The following FASTKD5 variants were observed in gnomAD, a reference collection of about 807,000 sequenced individuals.
FASTKD5 encodes the protein non-canonical pre-mRNAs endonuclease FASTKD5, mitochondrial.
A neutral mutation model predicts 44.0 loss-of-function variants in FASTKD5; 30 were observed. That is an observed-to-expected ratio of 0.68 (90% CI 0.51 to 0.93). The LOEUF is 0.93. Ranked by LOEUF, FASTKD5 falls within the 40% of genes least tolerant of loss-of-function variation. The pLI is 0.00. For synonymous variants in FASTKD5, 335 were observed against 342.2 expected, an observed-to-expected ratio of 0.98 and a Z score of 0.23; for missense variants, 868 against 908.2, an observed-to-expected ratio of 0.96 and a Z score of 0.57.
Position 3,149,213 on chromosome 20 carries a change from A to G in FASTKD5, c.-143T>C. On this transcript the variant is annotated 5_prime_UTR_variant, in exon 2 of 2. Transcript: ENST00000380266. This position sits in a 1 kb window ranked among gnomAD's most constrained non-coding sequence, Gnocchi z 4.1. ...ACTGCCTGGAAATCTTCAGCATATC[A>G]CAAGAGCCAGGGATCACAAATGACT... 1.2e-6 allele frequency: 1 copy of G among 822,418 alleles called. No individual in the cohort carries two copies. The highest frequency in any genetic ancestry group is 1.9e-6 in the Non-Finnish European group (1 of 530,776). The allele number at this position is 822,418 out of a possible 1,614,324, so 50.9% of individuals were successfully genotyped here.
rs751273447 is a variant in FASTKD5 at position 3,147,645 on chromosome 20, G to T, written c.1426C>A (p.Leu476Met). The change falls in exon 2 of 2, where the codon CTG (leucine) becomes ATG (methionine). Residue 476 changes from leucine to methionine, a missense_variant. Physicochemically the swap from Leu to Met is conservative, Grantham distance 15. Coordinates refer to ENST00000380266, the MANE Select transcript of FASTKD5 (RefSeq NM_021826.5). ...NQYPEHLPTC[L>M]LGLAFLEYFP... is the part of the protein sequence containing the mutation. ...TACTCCAAAAATGCCAGGCCCAGCA[G>T]GCAGGTGGGCAGGTGTTCTGGGTAC... The T allele has an allele frequency of 3.1e-6, 5 of 1,614,096 alleles. No individual in the cohort carries two copies. The African/African-American group carries it at 6.7e-5, about 22-fold the overall frequency.
intron 1 of FASTKD5, among the ~76,000 whole-genome samples, chr20:3,154,177 A>G (rs2066661215): frequency 6.6e-6 from 1 of 152,214 alleles, no homozygotes; most frequent in Non-Finnish European, 1.5e-5. Context: ...GAAAAAGGTG[A>G]AGGAAGATCC....
intron 1 of FASTKD5, among the ~76,000 whole-genome samples, chr20:3,157,042 C>T (rs1253455301): frequency 1.3e-5 from 2 of 152,068 alleles, no homozygotes; most frequent in Non-Finnish European, 2.9e-5. Context: ...AGGCAGATCA[C>T]GTGAGGCCAG....
chr20:3,150,599 G>A (rs771608473), intron 1 of FASTKD5: 2 of 152,190 alleles, frequency 1.3e-5, no homozygotes, highest in Non-Finnish European at 2.9e-5. Context: ...TACCAGACAG[G>A]GCTGTTGCTG....
At position 3,146,789 on chromosome 20, in the gene FASTKD5, G is replaced by A; in HGVS notation, c.2282C>T (p.Thr761Ile). The A allele has an allele frequency of 6.2e-7, 1 of 1,613,792 alleles. No homozygotes were observed. Among genetic ancestry groups the A allele is most frequent in the Non-Finnish European group, 8.5e-7 (1 of 1,179,798 alleles). ...KLAFLHEKVFTSAL is the reference protein window; with the variant it reads ...KLAFLHEKVFISAL ...CCTAAATGCCCTTCAGAGAGCAGAG[G>A]TGAATACTTTCTCATGAAGAAACGC... The change falls in exon 2 of 2, where the codon ACC becomes ATC. Residue 761 changes from threonine to isoleucine, a missense_variant. Transcript: ENST00000380266.
In FASTKD5 at chr20:3,147,744, T is replaced by C; in HGVS notation, c.1327A>G (p.Lys443Glu). The stretch of plus-strand genomic sequence containing the variant: ...TAAAATTCTTCTGCATTGGGTGGCT[T>C]ATAATTCAGAGTTCCAAATGACCAC... ...ILWSFGTLNY[K>E]PPNAEEFYSS... Residue 443 changes from lysine (K) to glutamate (E), a missense_variant, in exon 2 of 2, where the codon AAG becomes GAG. Transcript: ENST00000380266. 1 of 1,614,230 alleles carries C rather than the reference T, an allele frequency of 6.2e-7. No homozygotes were observed. The highest frequency in any genetic ancestry group is 8.5e-7 in the Non-Finnish European group (1 of 1,180,038).
intron 1 of FASTKD5, 86 bp downstream of exon 1, chr20:3,159,671 CGGCCGGGAG>C (rs1290817917): frequency 3.3e-5 from 5 of 152,318 alleles, no homozygotes; most frequent in Non-Finnish European, 7.3e-5. Context: ...AGCTCTGGGC[CGGCCGGGAG>C]GACAGGAGGC....
chr20:3,152,100 CAAAAAAA>C (rs60655157), intron 1 of FASTKD5, among the ~76,000 whole-genome samples: 2 of 62,884 alleles, frequency 3.2e-5, no homozygotes, highest in Admixed American at 1.9e-4. Context: ...GACTCTGTCT[CAAAAAAA>C]AAAAAAAAAA....
intron 1 of FASTKD5, among the ~76,000 whole-genome samples, chr20:3,155,052 CAAAAAAAAAA>C (rs11326176): frequency 1.0e-5 from 1 of 96,100 alleles, no homozygotes; most frequent in Non-Finnish European, 2.0e-5. Context: ...GACACAGTCT[CAAAAAAAAAA>C]AAAAAAAAAA....
intron 1 of FASTKD5, among the ~76,000 whole-genome samples, chr20:3,155,052 C>CAAA (rs11326176): frequency 1.2e-4 from 12 of 96,088 alleles, no homozygotes; most frequent in South Asian, 3.6e-4. Flanking sequence ...GACACAGTCT[C>CAAA]AAAAAAAAAA....
chr20:3,158,558 C>T (rs1325252047), intron 1 of FASTKD5, among the ~76,000 whole-genome samples: 1 of 152,180 alleles, frequency 6.6e-6, no homozygotes, highest in Non-Finnish European at 1.5e-5. Flanking sequence ...ACTGCACACT[C>T]CGCCTCCCGG....
At position 3,147,820 on chromosome 20, in the gene FASTKD5, A is replaced by C. The variant is rs1470092700; in HGVS notation, c.1251T>G (p.Ser417=). 4 of 1,614,236 alleles carry C rather than the reference A, an allele frequency of 2.5e-6. No homozygotes were observed. The highest frequency in any genetic ancestry group is 3.4e-6 in the Non-Finnish European group (4 of 1,180,042). The change falls in exon 2 of 2, where the codon TCT becomes TCG. Residue 417 remains serine, a synonymous_variant. Coordinates refer to ENST00000380266, the MANE Select transcript of FASTKD5 (RefSeq NM_021826.5). The stretch of plus-strand genomic sequence containing the variant: ...GACAGTGTGCCACTCTAGGAGGCAA[A>C]GACGCAGCCACTGCATTCATTACTC... ...NEGVMNAVAA[S]LPPRVAHCRS...
Position 3,148,007 on chromosome 20 carries a change from G to C in FASTKD5, c.1064C>G (p.Ser355Cys). 6.2e-7 allele frequency: 1 copy of C among 1,614,112 alleles called. No homozygotes were observed. The highest frequency in any genetic ancestry group is 8.5e-7 in the Non-Finnish European group (1 of 1,180,022). Residue 355 changes from serine (S) to cysteine (C), a missense_variant, in exon 2 of 2, where the codon TCC (serine) becomes TGC (cysteine). Coordinates refer to ENST00000380266, the MANE Select transcript of FASTKD5 (RefSeq NM_021826.5). The stretch of plus-strand genomic sequence containing the variant: ...GAACATTTTAACAATATTCACTAAG[G>C]AGCGACTACTCAGATGCTGAATGTT... ...CANIQHLSSR[S>C]LVNIVKMFRF...
rs377640278 is a variant in FASTKD5, at chr20:3,147,198, G to A, written c.1873C>T (p.Leu625Phe). The A allele has an allele frequency of 6.2e-7, 1 of 1,614,114 alleles. No homozygotes were observed. Among genetic ancestry groups the A allele is most frequent in the Non-Finnish European group, 8.5e-7 (1 of 1,180,058 alleles). The change falls in exon 2 of 2, where the codon CTT (leucine) becomes TTT (phenylalanine). Residue 625 changes from leucine (L) to phenylalanine (F), a missense_variant. Physicochemically the swap from Leu to Phe is conservative, Grantham distance 22 (BLOSUM62 0). Transcript: ENST00000380266. ...KLRLEHVGVS[L>F]TDDLMNKLLK... ...AACTTATTCATCAAATCATCTGTAA[G>A]GCTGACTCCCACATGCTCAAGCCTT...
At chr20:3,158,113 G>GT (rs1243079501) in intron 1 of FASTKD5, among the ~76,000 whole-genome samples, 7 of 151,492 alleles carry the variant, frequency 4.6e-5, no homozygotes, top group African/African-American at 9.7e-5. Flanking sequence ...GCTACATTTT[G>GT]TTTTTTTGTG....
chr20:3,150,126 T>C (rs777998927), intron 1 of FASTKD5, among the ~76,000 whole-genome samples: 69 of 152,350 alleles, frequency 4.5e-4, no homozygotes, highest in Admixed American at 8.5e-4. Flanking sequence ...GCTGTTCTTT[T>C]ACTTTTTAGA....
rs770204260 is a variant in FASTKD5, at chr20:3,149,006, A to C, written c.65T>G (p.Phe22Cys). Residue 22 changes from phenylalanine to cysteine, a missense_variant, in exon 2 of 2, where the codon TTT (phenylalanine) becomes TGT (cysteine). Phe to Cys is a radical substitution (Grantham distance 205, BLOSUM62 -2). Transcript: ENST00000380266. This position sits in a 1 kb window ranked among gnomAD's most constrained non-coding sequence, Gnocchi z 4.1. ...RYRAFCSPSA[F>C]GAVRSVSYWN... ...GTATGACACACTTCGGACTGCACCAAAGGCAGAAGGACTGCAAAATGCTCG... is the reference window on the plus strand; with the variant it reads ...GTATGACACACTTCGGACTGCACCACAGGCAGAAGGACTGCAAAATGCTCG... The C allele has an allele frequency of 6.2e-7, 1 of 1,613,920 alleles. No homozygotes were observed. Among genetic ancestry groups the C allele is most frequent in the Admixed American group, 1.7e-5 (1 of 59,940 alleles).
intron 1 of FASTKD5, among the ~76,000 whole-genome samples, chr20:3,158,770 G>T (rs769316070): frequency 6.6e-6 from 1 of 152,210 alleles, no homozygotes; most frequent in Non-Finnish European, 1.5e-5. Context: ...CACTGTGTCC[G>T]GCCCAGATTT....
rs1214946971 is a variant in FASTKD5, at chr20:3,148,237, C to T, written c.834G>A (p.Leu278=). Residue 278 remains leucine, a synonymous_variant, in exon 2 of 2, where the codon TTG becomes TTA. Transcript: ENST00000380266. ...YLNLHWKDLS[L]SQLVHLIYVI... is the part of the protein sequence containing the mutation. ...CATAAATTAAGTGAACTAGCTGAGA[C>T]AAGGATAGATCCTTCCAGTGCAAAT... 5.0e-6 allele frequency: 8 copies of T among 1,613,964 alleles called. No individual in the cohort carries two copies. The highest frequency in any genetic ancestry group is 4.2e-6 in the Non-Finnish European group (5 of 1,180,024).
Sources: gnomAD v4.1 joint callset for allele counts (sites outside exome capture counted in the v4.1 genomes callset) on GRCh38, gnomAD v4.1.1 for gene constraint, Gnocchi (gnomAD v3.1) non-coding constraint, MANE v1.5 for transcripts, NCBI Gene and HGNC (gene_info 2026-07-23, HGNC 2026-07-21) for gene names.